HDX: variants seen among roughly 807,000 people sequenced by gnomAD.
HDX encodes highly divergent homeobox.
HDX carries 19 observed loss-of-function variants against 45.2 expected under a neutral mutation model. That is an observed-to-expected ratio of 0.42 (90% CI 0.29 to 0.62). The LOEUF is 0.62. Among genes scored for constraint, HDX ranks in the 20% least tolerant of loss-of-function variants. The pLI, the probability that HDX is intolerant of heterozygous loss-of-function variation, is 0.20. For synonymous variants in HDX, 188 were observed against 172.8 expected, an observed-to-expected ratio of 1.09 and a Z score of -0.69; for missense variants, 532 against 493.9, an observed-to-expected ratio of 1.08 and a Z score of -0.73.
chrX:84,423,268 AAAAC>A (rs755835183), intron 5 of HDX, among the ~76,000 whole-genome samples: 119 of 110,439 alleles, frequency 1.1e-3, no homozygotes, highest in East Asian at 5.7e-3. Flanking sequence ...TTCCAGTGAA[AAAAC>A]AAACAAACTA....
intron 6 of HDX, among the ~76,000 whole-genome samples, chrX:84,357,624 C>T (rs2037518981): frequency 1.8e-5 from 2 of 110,947 alleles, no homozygotes; most frequent in African/African-American, 3.3e-5. Context: ...TTTTTTTAAG[C>T]TTTGCATTTC....
intron 6 of HDX, among the ~76,000 whole-genome samples, chrX:84,361,236 C>T (rs1187137104): frequency 1.8e-5 from 2 of 110,978 alleles, no homozygotes; most frequent in Non-Finnish European, 3.8e-5. Flanking sequence ...ATTTCCTTTG[C>T]CTATTTTTAA....
At chrX:84,469,943 T>C (rs2040424912) in intron 3 of HDX, among the ~76,000 whole-genome samples, 1 of 112,131 alleles carries the variant, frequency 8.9e-6, no homozygotes, top group Non-Finnish European at 1.9e-5. Context: ...TATGCAATGA[T>C]GTTCATCATA....
At chrX:84,384,415 A>G (rs1359083214) in intron 5 of HDX, among the ~76,000 whole-genome samples, 1 of 110,076 alleles carries the variant, frequency 9.1e-6, no homozygotes, top group Non-Finnish European at 1.9e-5. Context: ...TAGATTCTAG[A>G]TATCAGGCCT....
chrX:84,328,288 C>A (rs1602252602), intron 9 of HDX, among the ~76,000 whole-genome samples: 1 of 110,904 alleles, frequency 9.0e-6, no homozygotes, highest in African/African-American at 3.3e-5. Flanking sequence ...AAGAGGACTG[C>A]TTGAGCCCAA....
At chrX:84,482,983 C>A (rs1208789196) in intron 2 of HDX, among the ~76,000 whole-genome samples, 1 of 112,072 alleles carries the variant, frequency 8.9e-6, no homozygotes, top group African/African-American at 3.2e-5. Flanking sequence ...ATAGGGCAGT[C>A]ATTAAAACTT....
At chrX:84,411,900 C>A (rs1179344700) in intron 5 of HDX, among the ~76,000 whole-genome samples, 1 of 110,984 alleles carries the variant, frequency 9.0e-6, no homozygotes, top group Non-Finnish European at 1.9e-5. Flanking sequence ...TTACATTGAC[C>A]CTTTACCATT....
intron 5 of HDX, among the ~76,000 whole-genome samples, chrX:84,413,853 T>C (rs1273579192): frequency 9.0e-6 from 1 of 111,511 alleles, no homozygotes; most frequent in Non-Finnish European, 1.9e-5. Context: ...AACAATGGAA[T>C]TCATTTAGGG....
chrX:84,464,358 G>A (rs2040299658), intron 4 of HDX, among the ~76,000 whole-genome samples: 1 of 111,380 alleles, frequency 9.0e-6, no homozygotes. Flanking sequence ...AAAAGAGCCT[G>A]CATAGCCAAG....
At chrX:84,461,238 A>C (rs1263952226) in intron 4 of HDX, among the ~76,000 whole-genome samples, 1 of 111,869 alleles carries the variant, frequency 8.9e-6, no homozygotes, top group Non-Finnish European at 1.9e-5. Context: ...AAAAGATCAA[A>C]GCTGGAGGAA....
intron 5 of HDX, among the ~76,000 whole-genome samples, chrX:84,432,971 T>C (rs1372703601): frequency 9.0e-6 from 1 of 111,264 alleles, no homozygotes; most frequent in African/African-American, 3.3e-5. Context: ...TGGCCATTTT[T>C]TTGTCTTCTT....
chrX:84,456,089 G>C (rs1485182200), intron 4 of HDX, among the ~76,000 whole-genome samples: 2 of 111,608 alleles, frequency 1.8e-5, no homozygotes, highest in African/African-American at 6.5e-5. Flanking sequence ...TCTTGAATCT[G>C]AAAGAAAAAG....
chrX:84,443,127 TTAAC>T (rs1443325522), intron 4 of HDX, among the ~76,000 whole-genome samples: 17 of 111,812 alleles, frequency 1.5e-4, no homozygotes, highest in South Asian at 7.3e-4. Context: ...AATGTTATAT[TTAAC>T]TAATCTCTCA....
chrX:84,437,973 ACTTCC>A (rs2039675541), intron 5 of HDX, among the ~76,000 whole-genome samples: 1 of 110,940 alleles, frequency 9.0e-6, no homozygotes, highest in African/African-American at 3.3e-5. Flanking sequence ...TGTCAGCAAA[ACTTCC>A]AGTTAATCTT....
intron 4 of HDX, among the ~76,000 whole-genome samples, chrX:84,463,914 A>G (rs1028340675): frequency 2.7e-5 from 3 of 111,382 alleles, no homozygotes; most frequent in African/African-American, 6.5e-5. Context: ...GCTCCTAAAG[A>G]AAGCTGATTT....
intron 5 of HDX, among the ~76,000 whole-genome samples, chrX:84,387,954 G>C (rs1052406706): frequency 7.1e-5 from 8 of 112,009 alleles, no homozygotes; most frequent in Admixed American, 2.8e-4. Context: ...TTGATTCCCT[G>C]TTTAGCACTA....
At chrX:84,373,775 A>G (rs2037963326) in intron 5 of HDX, among the ~76,000 whole-genome samples, 1 of 111,550 alleles carries the variant, frequency 9.0e-6, no homozygotes, top group African/African-American at 3.3e-5. Flanking sequence ...AATAAGAGCT[A>G]TTTATGACAA....
At chrX:84,347,874 CTT>C (rs1308506341) in intron 6 of HDX, among the ~76,000 whole-genome samples, 1 of 111,229 alleles carries the variant, frequency 9.0e-6, no homozygotes, top group African/African-American at 3.3e-5. Context: ...TCTTTCAAGT[CTT>C]TTTCTTTATC....
intron 5 of HDX, among the ~76,000 whole-genome samples, chrX:84,404,951 G>A (rs2038785253): frequency 9.0e-6 from 1 of 111,145 alleles, no homozygotes; most frequent in African/African-American, 3.3e-5. Context: ...AGGAAATCTA[G>A]ATTTGCCTAT....
Sources: allele counts gnomAD v4.1 joint callset (sites outside exome capture counted in the v4.1 genomes callset), GRCh38; gene constraint gnomAD v4.1.1; transcripts MANE v1.5; gene names NCBI Gene and HGNC (gene_info 2026-07-23, HGNC 2026-07-21).